ZDHHC14: variants seen among roughly 807,000 people sequenced by gnomAD.
ZDHHC14 encodes zDHHC palmitoyltransferase 14.
ZDHHC14 carries 16 observed loss-of-function variants against 47.7 expected under a neutral mutation model. The ratio of observed to expected loss-of-function variants is 0.34; its 90% CI spans 0.23 to 0.51. The LOEUF (loss-of-function observed/expected upper bound fraction) is 0.51, where lower values mean the gene tolerates loss of function less well. Among genes scored for constraint, ZDHHC14 ranks in the 20% least tolerant of loss-of-function variants. The probability of loss-of-function intolerance (pLI) is 0.97; values close to 1 mark genes in which losing one functional copy is unlikely to be tolerated. For synonymous variants in ZDHHC14, 293 were observed against 278.9 expected (o/e 1.05, Z -0.50); for missense variants, 515 against 662.5 (o/e 0.78, Z 2.44).
intron 2 of ZDHHC14, among the ~76,000 whole-genome samples, chr6:157,577,127 T>C (rs573997908): frequency 6.6e-6 from 1 of 152,336 alleles, no homozygotes; most frequent in South Asian, 2.1e-4. Flanking sequence ...TGGCCTTCTG[T>C]TCCCACATTA....
At chr6:157,539,096 T>A (rs1487081261) in intron 1 of ZDHHC14, among the ~76,000 whole-genome samples, 1 of 151,784 alleles carries the variant, frequency 6.6e-6, no homozygotes, top group East Asian at 1.9e-4. Flanking sequence ...AAGGAGGGGA[T>A]CATGGTAGGC....
At chr6:157,618,497 T>C (rs1462566155) in intron 3 of ZDHHC14, among the ~76,000 whole-genome samples, 2 of 152,144 alleles carry the variant, frequency 1.3e-5, no homozygotes, top group Non-Finnish European at 2.9e-5. Context: ...AATTTTTGTA[T>C]TTTTAATACA....
chr6:157,388,388 A>AT (rs770791932), intron 1 of ZDHHC14, among the ~76,000 whole-genome samples: 19 of 151,750 alleles, frequency 1.3e-4, no homozygotes, highest in African/African-American at 2.9e-4. Flanking sequence ...TATCCTGGAG[A>AT]TTTTTTTTTC....
At chr6:157,550,942 G>T (rs1782205540) in intron 2 of ZDHHC14, among the ~76,000 whole-genome samples, 1 of 152,160 alleles carries the variant, frequency 6.6e-6, no homozygotes, top group South Asian at 2.1e-4. Context: ...CATGGAAGGG[G>T]AAGGATGATG....
chr6:157,458,849 A>T (rs1467600830), intron 1 of ZDHHC14, among the ~76,000 whole-genome samples: 83 of 81,204 alleles, frequency 1.0e-3, no homozygotes, highest in South Asian at 1.6e-3. Flanking sequence ...ATGTGGGTGG[A>T]TTTTTTTTTT....
intron 2 of ZDHHC14, among the ~76,000 whole-genome samples, chr6:157,590,808 C>A (rs113084633): frequency 0.11 from 16,369 of 152,230 alleles, 1,236 homozygotes; most frequent in African/African-American, 0.22. Context: ...TGCCCAGAAA[C>A]GCTGAAGACA....
At chr6:157,529,369 G>T (rs189349015) in intron 1 of ZDHHC14, among the ~76,000 whole-genome samples, 1 of 152,170 alleles carries the variant, frequency 6.6e-6, no homozygotes, top group Non-Finnish European at 1.5e-5. Context: ...TAACCAGTAC[G>T]GTCTTTGTTT....
At chr6:157,480,663 T>C (rs1779604645) in intron 1 of ZDHHC14, among the ~76,000 whole-genome samples, 1 of 152,204 alleles carries the variant, frequency 6.6e-6, no homozygotes, top group African/African-American at 2.4e-5. Flanking sequence ...ACCCATGGCA[T>C]GCTCTGGATT....
chr6:157,676,028 CGTG>C lies in ZDHHC14; in HGVS notation c.*2907_*2909del, dbSNP rs1216462758. 2 of 152,214 alleles carry C rather than the reference CGTG, an allele frequency of 1.3e-5. No individual in the cohort carries two copies. Among genetic ancestry groups the C allele is most frequent in the Non-Finnish European group, 2.9e-5 (2 of 68,046 alleles). The allele number at this position is 152,214 out of a possible 1,614,324, so 9.4% of individuals were successfully genotyped here. On this transcript the variant is annotated 3_prime_UTR_variant, in exon 9 of 9. Transcript: ENST00000359775. ...CCCGGCACTTGAAGGCTGAACTGAG[CGTG>C]AGTGCCCTGGTCCCCAGGAAGCAGG...
chr6:157,656,712 A>AC (rs1778109211), intron 8 of ZDHHC14, among the ~76,000 whole-genome samples: 2 of 91,470 alleles, frequency 2.2e-5, no homozygotes, highest in Non-Finnish European at 4.3e-5. Flanking sequence ...ATACCAAAAA[A>AC]AAAAAACAAA....
At chr6:157,462,081 C>A (rs1779101871) in intron 1 of ZDHHC14, among the ~76,000 whole-genome samples, 1 of 152,206 alleles carries the variant, frequency 6.6e-6, no homozygotes, top group African/African-American at 2.4e-5. Flanking sequence ...TAATACAACT[C>A]ACTATAGATC....
chr6:157,451,393 A>G (rs1436515264), intron 1 of ZDHHC14, among the ~76,000 whole-genome samples: 2 of 152,234 alleles, frequency 1.3e-5, no homozygotes, highest in Admixed American at 6.5e-5. Context: ...TCCTAAGACT[A>G]TGCATTCCAA....
At chr6:157,612,633 A>G (rs1277959998) in intron 3 of ZDHHC14, among the ~76,000 whole-genome samples, 1 of 151,758 alleles carries the variant, frequency 6.6e-6, no homozygotes, top group Non-Finnish European at 1.5e-5. Flanking sequence ...CGAGTGGCCG[A>G]TGTCTCTGCC....
intron 5 of ZDHHC14, among the ~76,000 whole-genome samples, chr6:157,644,508 AAGTCAGTCAAC>A (rs1333556148): frequency 1.3e-5 from 2 of 152,170 alleles, no homozygotes; most frequent in Non-Finnish European, 2.9e-5. Flanking sequence ...GCGATGTTGA[AAGTCAGTCAAC>A]AGGCAGAAGC....
chr6:157,479,103 G>A (rs376239901), intron 1 of ZDHHC14, among the ~76,000 whole-genome samples: 5 of 152,316 alleles, frequency 3.3e-5, no homozygotes, highest in Admixed American at 1.3e-4. Context: ...ATTGTGATTA[G>A]GAGCATGGAC....
At chr6:157,553,194 G>C (rs1428104442) in intron 2 of ZDHHC14, among the ~76,000 whole-genome samples, 1 of 152,158 alleles carries the variant, frequency 6.6e-6, no homozygotes, top group Non-Finnish European at 1.5e-5. Context: ...GGCAGGCCAG[G>C]GTGGTCAGAG....
chr6:157,555,927 C>T lies in ZDHHC14; in HGVS notation c.406+13182C>T, dbSNP rs143814963. Among the ~76,000 whole-genome samples, 1,203 of 152,274 alleles carry T rather than the reference C, an allele frequency of 7.9e-3. 11 individuals carry two copies. Among genetic ancestry groups the T allele is most frequent in the South Asian group, 0.048 (231 of 4,826 alleles). On this transcript the variant is annotated intron_variant, in intron 2 of 8. Coordinates refer to ENST00000359775, the MANE Select transcript of ZDHHC14 (RefSeq NM_024630.3). ...ATTTGTGAGGGCTGAAGGGACCGTC[C>T]GCCTAGGAGGGGATCAGGAGGGATT...
intron 1 of ZDHHC14, among the ~76,000 whole-genome samples, chr6:157,412,324 G>A (rs1251244677): frequency 1.3e-5 from 2 of 151,650 alleles, no homozygotes; most frequent in East Asian, 1.9e-4. Flanking sequence ...ATAGAGTCTC[G>A]CTGTGTCGCC....
intron 2 of ZDHHC14, among the ~76,000 whole-genome samples, chr6:157,564,842 C>T (rs771048526): frequency 1.2e-4 from 19 of 152,184 alleles, no homozygotes; most frequent in Non-Finnish European, 2.1e-4. Context: ...GGGCCTCTGA[C>T]GGCTGCTCTG....
Sources: gnomAD v4.1 joint callset for allele counts (sites outside exome capture counted in the v4.1 genomes callset) on GRCh38, gnomAD v4.1.1 for gene constraint, MANE v1.5 for transcripts, NCBI Gene and HGNC (gene_info 2026-07-23, HGNC 2026-07-21) for gene names.